The following LRRC4C variants were observed in gnomAD, a reference collection of about 807,000 sequenced individuals.
The protein encoded by LRRC4C is leucine rich repeat containing 4C.
LRRC4C carries 5 observed loss-of-function variants against 33.6 expected under a neutral mutation model. The observed-to-expected ratio is 0.15, with a 90% confidence interval of 0.08 to 0.31. The LOEUF (loss-of-function observed/expected upper bound fraction) is 0.31. LRRC4C is among the 10% of genes least tolerant of loss of function. LRRC4C has a pLI of 1.00. For missense variants in LRRC4C, 560 were observed against 796.7 expected (o/e 0.70, Z 3.58); for synonymous variants, 329 against 302.0 (o/e 1.09, Z -0.93).
At chr11:40,405,151 T>C (rs1456861679) in intron 3 of LRRC4C, among the ~76,000 whole-genome samples, 5 of 152,054 alleles carry the variant, frequency 3.3e-5, no homozygotes, top group African/African-American at 9.7e-5. Flanking sequence ...CTTTTTTTTT[T>C]TTTAAAGATT....
chr11:41,004,890 CCTAA>C (rs1357309022), intron 1 of LRRC4C, among the ~76,000 whole-genome samples: 1 of 152,054 alleles, frequency 6.6e-6, no homozygotes, highest in Non-Finnish European at 1.5e-5. Context: ...ACCATGCAAT[CCTAA>C]CTATCATGGA....
intron 1 of LRRC4C, among the ~76,000 whole-genome samples, chr11:41,179,939 T>C (rs574318196): frequency 6.6e-6 from 1 of 152,256 alleles, no homozygotes; most frequent in East Asian, 1.9e-4. Context: ...AACAATTACA[T>C]TAATCACTAT....
intron 1 of LRRC4C, among the ~76,000 whole-genome samples, chr11:41,082,006 T>G (rs1018305171): frequency 1.3e-5 from 2 of 152,158 alleles, no homozygotes; most frequent in African/African-American, 4.8e-5. Flanking sequence ...TCCAGATTTA[T>G]TTCAGATGGC....
At chr11:40,606,341 T>G (rs1341067286) in intron 3 of LRRC4C, among the ~76,000 whole-genome samples, 1 of 152,136 alleles carries the variant, frequency 6.6e-6, no homozygotes, top group African/African-American at 2.4e-5. Flanking sequence ...AAACTGGAAA[T>G]GTGCACACAT....
intron 5 of LRRC4C, among the ~76,000 whole-genome samples, chr11:40,155,930 A>T (rs1858652070): frequency 6.6e-6 from 1 of 152,180 alleles, no homozygotes; most frequent in East Asian, 1.9e-4. Flanking sequence ...ATCTTTCATG[A>T]ATATAGATGC....
intron 2 of LRRC4C, among the ~76,000 whole-genome samples, chr11:40,753,936 GT>G (rs1948816273): frequency 6.6e-6 from 1 of 151,554 alleles, no homozygotes; most frequent in African/African-American, 2.4e-5. Context: ...AAATATGTGT[GT>G]ATATGTATAT....
rs575717599 is a variant in LRRC4C at position 41,195,771 on chromosome 11, T to A, written c.-495-262048A>T. Among the ~76,000 whole-genome samples, 13 of 152,264 alleles carry A rather than the reference T, an allele frequency of 8.5e-5. No individual in the cohort carries two copies. The East Asian group carries it at 2.3e-3, about 27-fold the overall frequency. ...AAGTGTAAAAGGAGCAAGTTTTTTT[T>A]AATCAATAAATCTCTTTAAGTTTCC... is the stretch of plus-strand genomic sequence containing the variant. On this transcript the variant is annotated intron_variant, in intron 1 of 6. Coordinates refer to ENST00000528697, the MANE Select transcript of LRRC4C (RefSeq NM_001258419.2).
chr11:40,784,927 G>GAAAA, intron 2 of LRRC4C, among the ~76,000 whole-genome samples: 1 of 152,086 alleles, frequency 6.6e-6, no homozygotes, highest in Admixed American at 6.6e-5. Flanking sequence ...AATAGAAAGG[G>GAAAA]AGGAAGAAAA....
At chr11:40,323,607 C>T (rs1590316324) in intron 3 of LRRC4C, among the ~76,000 whole-genome samples, 1 of 152,200 alleles carries the variant, frequency 6.6e-6, no homozygotes, top group African/African-American at 2.4e-5. Flanking sequence ...GAACATACCT[C>T]TGAAGGACAG....
At chr11:40,833,639 T>C (rs1333327433) in intron 2 of LRRC4C, among the ~76,000 whole-genome samples, 1 of 152,120 alleles carries the variant, frequency 6.6e-6, no homozygotes, top group East Asian at 1.9e-4. Flanking sequence ...CTTTCAGTTA[T>C]TGAAAATGTA....
At chr11:40,194,195 G>T (rs1039667714) in intron 5 of LRRC4C, among the ~76,000 whole-genome samples, 1 of 152,106 alleles carries the variant, frequency 6.6e-6, no homozygotes, top group African/African-American at 2.4e-5. Flanking sequence ...AAATGTTAAG[G>T]GAAGCCAGAG....
At chr11:41,062,473 G>A (rs1472814539) in intron 1 of LRRC4C, among the ~76,000 whole-genome samples, 1 of 152,086 alleles carries the variant, frequency 6.6e-6, no homozygotes, top group African/African-American at 2.4e-5. Flanking sequence ...TAATGCAGAT[G>A]CACTCTTTCT....
At chr11:40,609,929 C>T (rs574662336) in intron 3 of LRRC4C, among the ~76,000 whole-genome samples, 1 of 152,002 alleles carries the variant, frequency 6.6e-6, no homozygotes, top group East Asian at 1.9e-4. Context: ...AAGTCCAGAA[C>T]CAGATAGCTT....
At position 41,011,764 on chromosome 11, in the gene LRRC4C, T is replaced by A. The variant is rs116683064; in HGVS notation, c.-495-78041A>T. On this transcript the variant is annotated intron_variant, in intron 1 of 6. Coordinates refer to ENST00000528697, the MANE Select transcript of LRRC4C (RefSeq NM_001258419.2). ...CAAGCTATGTAGCCTTTGTGGGTCA[T>A]TAATTCCTGAAAATCTCTAGTTTGC... 4.8e-3 allele frequency among the ~76,000 whole-genome samples: 717 copies of A among 149,122 alleles called. 6 individuals carry two copies. The highest frequency in any genetic ancestry group is 0.017 in the African/African-American group (687 of 40,610).
intron 2 of LRRC4C, among the ~76,000 whole-genome samples, chr11:40,793,227 A>G (rs1346230519): frequency 6.6e-6 from 1 of 152,194 alleles, no homozygotes; most frequent in African/African-American, 2.4e-5. Context: ...TTTCTCAAAA[A>G]TATTAAGAAA....
chr11:40,909,369 T>C (rs1956565412), intron 2 of LRRC4C, among the ~76,000 whole-genome samples: 1 of 152,152 alleles, frequency 6.6e-6, no homozygotes, highest in South Asian at 2.1e-4. Context: ...TCAAAAATTT[T>C]ATATGATAAT....
chr11:41,262,044 C>T (rs1948998359), intron 1 of LRRC4C, among the ~76,000 whole-genome samples: 1 of 151,926 alleles, frequency 6.6e-6, no homozygotes, highest in Non-Finnish European at 1.5e-5. Flanking sequence ...AAGCAGGATT[C>T]TATTCTAAAA....
intron 2 of LRRC4C, among the ~76,000 whole-genome samples, chr11:40,762,914 T>C (rs1949287453): frequency 6.6e-6 from 1 of 151,972 alleles, no homozygotes; most frequent in African/African-American, 2.4e-5. Flanking sequence ...CTTGTTTTCA[T>C]GGCTATTTAA....
At chr11:40,787,292 A>C (rs1693320444) in intron 2 of LRRC4C, among the ~76,000 whole-genome samples, 1 of 152,174 alleles carries the variant, frequency 6.6e-6, no homozygotes, top group Non-Finnish European at 1.5e-5. Context: ...CAGAGGGAAC[A>C]AGGGAGGAGA....
Sources: gnomAD v4.1 joint callset for allele counts (sites outside exome capture counted in the v4.1 genomes callset) on GRCh38, gnomAD v4.1.1 for gene constraint, MANE v1.5 for transcripts, NCBI Gene and HGNC (gene_info 2026-07-23, HGNC 2026-07-21) for gene names.